RASGEF1A: variants seen among roughly 807,000 people sequenced by gnomAD.
RASGEF1A encodes the protein ras-GEF domain-containing family member 1A.
In RASGEF1A, 18 loss-of-function variants were observed where a neutral mutation model predicts 56.4. That is an observed-to-expected ratio of 0.32 (90% CI 0.22 to 0.47). RASGEF1A has a LOEUF of 0.47. RASGEF1A is among the 20% of genes least tolerant of loss of function. RASGEF1A has a pLI of 1.00. For missense variants in RASGEF1A, 422 were observed against 627.1 expected (o/e 0.67, Z 3.49); for synonymous variants, 245 against 242.6 (o/e 1.01, Z -0.09).
intron 1 of RASGEF1A, among the ~76,000 whole-genome samples, chr10:43,214,805 G>A (rs532319300): frequency 2.0e-5 from 3 of 152,298 alleles, no homozygotes; most frequent in Non-Finnish European, 2.9e-5. Context: ...AGTGTGCATC[G>A]TTAGGAGTTA....
At chr10:43,203,470 C>T (rs1262442581) in intron 2 of RASGEF1A, 50 bp from the exon 3 acceptor site, 2 of 1,470,954 alleles carry the variant, frequency 1.4e-6, no homozygotes, top group East Asian at 2.6e-5. Flanking sequence ...GGCAGGCCCC[C>T]GGGGGCTCAC....
chr10:43,204,397 G>T (rs866396626), intron 2 of RASGEF1A, among the ~76,000 whole-genome samples: 3 of 152,172 alleles, frequency 2.0e-5, no homozygotes, highest in African/African-American at 7.2e-5. Flanking sequence ...GAGCATCAGG[G>T]ACTCCTCTAA....
intron 2 of RASGEF1A, among the ~76,000 whole-genome samples, chr10:43,204,365 C>G (rs1329300352): frequency 6.6e-6 from 1 of 152,208 alleles, no homozygotes; most frequent in Non-Finnish European, 1.5e-5. Context: ...TGGGCTGACA[C>G]TGCCCACCGC....
At chr10:43,201,272 C>G (rs1001092693) in intron 4 of RASGEF1A, among the ~76,000 whole-genome samples, 2 of 152,298 alleles carry the variant, frequency 1.3e-5, no homozygotes, top group African/African-American at 4.8e-5. Flanking sequence ...GTCTCTGCCC[C>G]CTAGTTGGGA....
intron 1 of RASGEF1A, among the ~76,000 whole-genome samples, chr10:43,259,569 T>C (rs1836489785): frequency 6.6e-6 from 1 of 152,220 alleles, no homozygotes; most frequent in African/African-American, 2.4e-5. Context: ...TCTCCCTGCA[T>C]GGTGCTTGTC....
Position 43,196,432 on chromosome 10 carries a change from C to A in RASGEF1A, c.1421+44G>T. The A allele has an allele frequency of 6.3e-7, 1 of 1,594,192 alleles. No individual in the cohort carries two copies. Among genetic ancestry groups the A allele is most frequent in the Non-Finnish European group, 8.6e-7 (1 of 1,162,018 alleles). On this transcript the variant is annotated intron_variant, in intron 12 of 12. Transcript: ENST00000395810. This position sits in a 1 kb window ranked among gnomAD's most constrained non-coding sequence, Gnocchi z 4.6. The stretch of plus-strand genomic sequence containing the variant: ...GTAACCCTCGTGCCCACCCTGAGTC[C>A]TCCCTCTTCCTTACAGACTCCCATG...
At chr10:43,205,895 C>T in intron 2 of RASGEF1A, 24 bp downstream of exon 2, 1 of 1,595,580 alleles carries the variant, frequency 6.3e-7, no homozygotes, top group Non-Finnish European at 8.6e-7. Context: ...ATTAGTCTCA[C>T]TCCACAAGGC....
intron 1 of RASGEF1A, among the ~76,000 whole-genome samples, chr10:43,258,810 G>A (rs1181985934): frequency 6.6e-6 from 1 of 152,252 alleles, no homozygotes; most frequent in African/African-American, 2.4e-5. Flanking sequence ...CTGCCACCTG[G>A]GCTGGCCCTC....
chr10:43,209,301 G>A, intron 1 of RASGEF1A: 2 of 788,790 alleles, frequency 2.5e-6, no homozygotes, highest in Non-Finnish European at 3.1e-6. Flanking sequence ...CCCTTACGCA[G>A]ACGAGGGGTG....
chr10:43,227,800 C>T (rs1229228224), intron 1 of RASGEF1A, among the ~76,000 whole-genome samples: 4 of 152,140 alleles, frequency 2.6e-5, no homozygotes, highest in Non-Finnish European at 5.9e-5. Context: ...ATCTTGCCCA[C>T]CTCTAAGGGC....
At chr10:43,207,733 G>A in intron 1 of RASGEF1A, 2 of 982,122 alleles carry the variant, frequency 2.0e-6, no homozygotes, top group Non-Finnish European at 2.4e-6. Flanking sequence ...CACATTCTCA[G>A]GCCTAGCCCC....
chr10:43,260,172 T>C (rs1879304), intron 1 of RASGEF1A, among the ~76,000 whole-genome samples: 45,012 of 152,104 alleles, frequency 0.3, 7,028 homozygotes, highest in Non-Finnish European at 0.33. Flanking sequence ...CCTCCCAGCA[T>C]CTGGGTATAA....
chr10:43,257,088 G>C (rs986392517), intron 1 of RASGEF1A, among the ~76,000 whole-genome samples: 5 of 152,202 alleles, frequency 3.3e-5, no homozygotes, highest in African/African-American at 9.6e-5. Context: ...TCTCTCCCCA[G>C]GTCAACTTTC....
rs1414498400 is a variant in RASGEF1A at position 43,199,202 on chromosome 10, G to A, written c.850-8C>T. On this transcript the variant is annotated splice_region_variant and splice_polypyrimidine_tract_variant and intron_variant, in intron 7 of 12. Transcript: ENST00000395810. ...GTGTTTCTTCTTCACCACCTGGAAG[G>A]TGGCAGGTGACCTCAGCATGGCGCT... The A allele has an allele frequency of 6.3e-7, 1 of 1,599,774 alleles. No homozygotes were observed. The highest frequency in any genetic ancestry group is 8.5e-7 in the Non-Finnish European group (1 of 1,172,136).
chr10:43,227,917 C>T (rs573980462), intron 1 of RASGEF1A, among the ~76,000 whole-genome samples: 170 of 152,232 alleles, frequency 1.1e-3, no homozygotes, highest in South Asian at 3.5e-3. Context: ...CAGAATCAGT[C>T]CTTCCCTCCT....
At chr10:43,265,502 G>A (rs1436020557) in intron 1 of RASGEF1A, among the ~76,000 whole-genome samples, 1 of 152,246 alleles carries the variant, frequency 6.6e-6, no homozygotes, top group Non-Finnish European at 1.5e-5. Context: ...CTGGCTGGAG[G>A]GGCAGAGAAC....
At chr10:43,208,294 G>C in intron 1 of RASGEF1A, 1 of 985,606 alleles carries the variant, frequency 1.0e-6, no homozygotes, top group Non-Finnish European at 1.2e-6. Flanking sequence ...TGGTCAGGAG[G>C]TAGTATGTGG....
At chr10:43,228,882 AGAAG>A (rs1162297341) in intron 1 of RASGEF1A, among the ~76,000 whole-genome samples, 5 of 152,220 alleles carry the variant, frequency 3.3e-5, no homozygotes, top group African/African-American at 1.2e-4. Context: ...AGTAAGTGAA[AGAAG>A]GAAGGGACAG....
intron 1 of RASGEF1A, among the ~76,000 whole-genome samples, chr10:43,235,718 G>A (rs892402049): frequency 2.6e-5 from 4 of 152,218 alleles, no homozygotes; most frequent in African/African-American, 7.2e-5. Context: ...ACCACACTGA[G>A]TGCCAGCCTG....
Sources: gnomAD v4.1 joint callset for allele counts (sites outside exome capture counted in the v4.1 genomes callset) on GRCh38, gnomAD v4.1.1 for gene constraint, Gnocchi (gnomAD v3.1) non-coding constraint, MANE v1.5 for transcripts, NCBI Gene and HGNC (gene_info 2026-07-23, HGNC 2026-07-21) for gene names.